EML5: variants seen among roughly 807,000 people sequenced by gnomAD.
The protein encoded by EML5 is EMAP like 5, also known as echinoderm microtubule-associated protein-like 5.
EML5 carries 120 observed loss-of-function variants against 250.0 expected under a neutral mutation model. The observed-to-expected ratio is 0.48, with a 90% CI of 0.41 to 0.56. The LOEUF is 0.56. Ranked by LOEUF, EML5 falls within the 20% of genes least tolerant of loss-of-function variation. The pLI is 0.00. For synonymous variants in EML5, 771 were observed against 806.5 expected (o/e 0.96, Z 0.75); for missense variants, 2,006 against 2,437.6 (o/e 0.82, Z 3.73).
chr14:88,665,556 G>T (rs2092281737), intron 21 of EML5, 67 bp from the exon 22 acceptor site: 1 of 1,594,492 alleles, frequency 6.3e-7, no homozygotes, highest in African/African-American at 1.3e-5. Flanking sequence ...GCCAGGTGTG[G>T]TGGCTCATGC....
chr14:88,770,256 G>C (rs1419688380), intron 1 of EML5, among the ~76,000 whole-genome samples: 6 of 152,018 alleles, frequency 3.9e-5, no homozygotes, highest in Non-Finnish European at 7.4e-5. Context: ...TCACTTACCT[G>C]GAGGTCTGAT....
intron 27 of EML5, among the ~76,000 whole-genome samples, chr14:88,651,874 A>G (rs1278755574): frequency 6.6e-6 from 1 of 152,128 alleles, no homozygotes; most frequent in Non-Finnish European, 1.5e-5. Context: ...ATTAATGAAG[A>G]CCTACTATCT....
At chr14:88,672,845 T>G (rs903269532) in intron 21 of EML5, among the ~76,000 whole-genome samples, 5 of 152,106 alleles carry the variant, frequency 3.3e-5, no homozygotes, top group African/African-American at 7.2e-5. Context: ...CAGGAAGAAG[T>G]TGAATCCCTG....
In EML5 at chr14:88,616,151, TCA is replaced by T; in HGVS notation, c.5886_5887del (p.Asp1963Ter). The stretch of plus-strand genomic sequence containing the variant: ...TGAGAAAGTTACTAACCTGCAGTCA[TCA>T]CCTCCAGCACTAACAACATGTCGAT... On this transcript the variant is annotated frameshift_variant, in exon 43 of 44. Coordinates refer to ENST00000554922, the MANE Select transcript of EML5 (RefSeq NM_183387.3). LOFTEE classifies it high-confidence loss of function. The T allele has an allele frequency of 6.2e-7, 1 of 1,613,882 alleles. No individual in the cohort carries two copies. Among genetic ancestry groups the T allele is most frequent in the Non-Finnish European group, 8.5e-7 (1 of 1,179,782 alleles).
intron 3 of EML5, among the ~76,000 whole-genome samples, chr14:88,745,021 C>T (rs1050776701): frequency 2.0e-5 from 3 of 152,042 alleles, no homozygotes; most frequent in Admixed American, 2.0e-4. Context: ...TCAAAAACTC[C>T]ATTGACAGTG....
At chr14:88,684,100 G>T (rs2092773928) in intron 20 of EML5, among the ~76,000 whole-genome samples, 1 of 151,032 alleles carries the variant, frequency 6.6e-6, no homozygotes, top group South Asian at 2.1e-4. Flanking sequence ...TAATAAATGA[G>T]GACGGCAAGT....
intron 1 of EML5, among the ~76,000 whole-genome samples, chr14:88,778,879 A>G (rs1238283777): frequency 1.3e-5 from 2 of 152,234 alleles, no homozygotes; most frequent in African/African-American, 2.4e-5. Context: ...TAAGCATATA[A>G]CAGGATTTCA....
At chr14:88,690,061 T>A (rs1361743858) in intron 17 of EML5, among the ~76,000 whole-genome samples, 2 of 151,512 alleles carry the variant, frequency 1.3e-5, no homozygotes, top group Non-Finnish European at 1.5e-5. Flanking sequence ...GCTAGAAGAG[T>A]GTTCCAGGCA....
rs1219191754 is a variant in EML5 at position 88,702,515 on chromosome 14, A to G, written c.2169T>C (p.Tyr723=). Residue 723 remains tyrosine (Y), a synonymous_variant, in exon 14 of 44, where the codon TAT becomes TAC. Transcript: ENST00000554922. The part of the protein sequence containing the change: ...YNRQQNTQRF[Y]LGHDDDILCL... ...AGAGAATATCATCATCATGACCCAG[A>G]TAAAAACGCTGTGTGTTTTGCTGTC... 8 of 1,613,528 alleles carry G rather than the reference A, an allele frequency of 5.0e-6. No individual in the cohort carries two copies. In the East Asian group the frequency reaches 1.6e-4, roughly 31 times the overall value.
intron 25 of EML5, among the ~76,000 whole-genome samples, chr14:88,660,725 G>C (rs1466465723): frequency 6.8e-6 from 1 of 147,382 alleles, no homozygotes; most frequent in Non-Finnish European, 1.5e-5. Context: ...CCTGGCGACA[G>C]AGTGAGACTC....
At chr14:88,775,890 C>G (rs558651696) in intron 1 of EML5, among the ~76,000 whole-genome samples, 5 of 151,776 alleles carry the variant, frequency 3.3e-5, no homozygotes, top group African/African-American at 9.7e-5. Flanking sequence ...TCACCCCCAG[C>G]TTTAGGTGGC....
intron 8 of EML5, among the ~76,000 whole-genome samples, chr14:88,720,315 C>T (rs2093570402): frequency 1.3e-5 from 2 of 152,072 alleles, no homozygotes; most frequent in African/African-American, 2.4e-5. Context: ...ATACCAAAAC[C>T]TGGCAGAGAA....
intron 17 of EML5, among the ~76,000 whole-genome samples, chr14:88,689,659 G>T (rs373503555): frequency 6.6e-6 from 1 of 152,156 alleles, no homozygotes; most frequent in Admixed American, 6.5e-5. Flanking sequence ...GCTTGAGCCT[G>T]AGAGGCAGAG....
chr14:88,639,770 G>A (rs749864048), intron 31 of EML5, among the ~76,000 whole-genome samples: 6 of 151,956 alleles, frequency 3.9e-5, no homozygotes, highest in African/African-American at 9.7e-5. Context: ...TAGTAGATAC[G>A]GGGTTTTGCT....
intron 21 of EML5, among the ~76,000 whole-genome samples, chr14:88,669,925 G>A (rs886833933): frequency 6.6e-6 from 1 of 152,120 alleles, no homozygotes; most frequent in Non-Finnish European, 1.5e-5. Flanking sequence ...AGCCTCCACT[G>A]GTGATACCTC....
intron 8 of EML5, among the ~76,000 whole-genome samples, chr14:88,725,182 G>T (rs1338950121): frequency 6.6e-6 from 1 of 152,070 alleles, no homozygotes; most frequent in African/African-American, 2.4e-5. Context: ...TTTTTACAGG[G>T]TACAGAGTTT....
intron 14 of EML5, among the ~76,000 whole-genome samples, chr14:88,700,087 A>AG (rs2093174610): frequency 1.3e-5 from 2 of 152,174 alleles, no homozygotes; most frequent in African/African-American, 4.8e-5. Flanking sequence ...CACAACATTT[A>AG]ATGCTTTTGA....
intron 1 of EML5, among the ~76,000 whole-genome samples, chr14:88,775,756 A>C (rs2094441126): frequency 6.6e-6 from 1 of 152,106 alleles, no homozygotes; most frequent in South Asian, 2.1e-4. Context: ...CAGGGCCTTG[A>C]GCAAACATAG....
rs945485728 is a variant in EML5 at position 88,743,966 on chromosome 14, T to C, written c.525+57A>G. ...AGGCTAAATTGTTAACAGTGCAATA[T>C]ATACTTAGCAGCAGAGAACTAAACG... On this transcript the variant is annotated intron_variant, in intron 4 of 43. Transcript: ENST00000554922. The C allele has an allele frequency of 7.4e-6, 9 of 1,218,370 alleles. No individual in the cohort carries two copies. The Admixed American group carries it at 2.3e-4, about 31-fold the overall frequency. 75.5% of individuals were successfully genotyped at this position (1,218,370 alleles called of 1,614,324 possible).
Sources: allele counts gnomAD v4.1 joint callset (sites outside exome capture counted in the v4.1 genomes callset), GRCh38; gene constraint gnomAD v4.1.1; transcripts MANE v1.5; gene names NCBI Gene and HGNC (gene_info 2026-07-23, HGNC 2026-07-21).